IQCJ: variants seen among roughly 807,000 people sequenced by gnomAD.
IQCJ encodes the protein IQ domain-containing protein J.
Under a neutral mutation model 11.0 loss-of-function variants are expected in IQCJ, and 9 were observed. That is an observed-to-expected ratio of 0.82 (90% CI 0.49 to 1.43). The LOEUF (loss-of-function observed/expected upper bound fraction) is 1.43. Among genes scored for constraint, IQCJ ranks in the 40% most tolerant of loss-of-function variants. The pLI is 0.00. For missense variants in IQCJ, 146 were observed against 133.2 expected (o/e 1.10, Z -0.47); for synonymous variants, 55 against 51.3 (o/e 1.07, Z -0.31).
At chr3:159,231,180 G>A (rs2244434) in intron 1 of IQCJ, among the ~76,000 whole-genome samples, 115,282 of 152,080 alleles carry the variant, frequency 0.76, 44,842 homozygotes, top group African/African-American at 0.92. Context: ...GGAGAACCAG[G>A]CATCTTATAT....
intron 1 of IQCJ, among the ~76,000 whole-genome samples, chr3:159,234,675 A>T (rs1325468368): frequency 2.0e-5 from 3 of 152,166 alleles, no homozygotes; most frequent in African/African-American, 7.2e-5. Flanking sequence ...GTACTTAAAG[A>T]AAAGCAATTA....
chr3:159,157,447 G>C (rs970486503), intron 1 of IQCJ, among the ~76,000 whole-genome samples: 2 of 152,044 alleles, frequency 1.3e-5, no homozygotes, highest in Non-Finnish European at 1.5e-5. Flanking sequence ...CAATGTTTCT[G>C]GTCAGTGGAA....
At chr3:159,169,850 G>C (rs1017216330) in intron 1 of IQCJ, among the ~76,000 whole-genome samples, 4 of 152,030 alleles carry the variant, frequency 2.6e-5, no homozygotes, top group Non-Finnish European at 1.5e-5. Context: ...TGTAGTTCCT[G>C]GGTGGTTTAT....
chr3:159,151,826 G>A (rs895281733), intron 1 of IQCJ, among the ~76,000 whole-genome samples: 18 of 152,110 alleles, frequency 1.2e-4, no homozygotes, highest in Non-Finnish European at 2.4e-4. Flanking sequence ...TAGTAGAGAC[G>A]GGGTTTCACT....
chr3:159,074,577 G>C (rs113798193), intron 1 of IQCJ, among the ~76,000 whole-genome samples: 2 of 152,110 alleles, frequency 1.3e-5, no homozygotes, highest in Non-Finnish European at 2.9e-5. Context: ...CTCAGGCACT[G>C]CTCGTTCAAC....
At chr3:159,212,903 T>G (rs573009716) in intron 1 of IQCJ, among the ~76,000 whole-genome samples, 41 of 152,376 alleles carry the variant, frequency 2.7e-4, no homozygotes, top group African/African-American at 9.6e-4. Flanking sequence ...GGAGCAACTT[T>G]TGTTGTCACC....
At position 159,262,422 on chromosome 3, in the gene IQCJ, G is replaced by GT. The variant is rs943688811; in HGVS notation, c.156-125dup. 3 of 1,407,006 alleles carry GT rather than the reference G, an allele frequency of 2.1e-6. No individual in the cohort carries two copies. The African/African-American group carries it at 4.3e-5, about 20-fold the overall frequency. 87.2% of individuals were successfully genotyped at this position (1,407,006 alleles called of 1,614,324 possible). A position where few individuals can be genotyped will look rare whatever the true frequency, so the allele number is the denominator to read the frequency against. ...CTCCTGATTCACTACATCACATTCT[G>GT]TATGTTCTACTTCCCTTGGCACCAA... is the stretch of plus-strand genomic sequence containing the variant. On this transcript the variant is annotated intron_variant, in intron 3 of 3. Coordinates refer to ENST00000397832, the MANE Select transcript of IQCJ (RefSeq NM_001042706.3).
chr3:159,089,941 A>G (rs1717117318), intron 1 of IQCJ, among the ~76,000 whole-genome samples: 1 of 151,812 alleles, frequency 6.6e-6, no homozygotes, highest in South Asian at 2.1e-4. Context: ...TTCTCCATCC[A>G]GCTTTGTTCT....
intron 1 of IQCJ, among the ~76,000 whole-genome samples, chr3:159,080,867 C>T (rs1201095611): frequency 6.6e-6 from 1 of 152,074 alleles, no homozygotes; most frequent in Non-Finnish European, 1.5e-5. Context: ...TGTCTCTCCT[C>T]TAGAATAGTG....
At chr3:159,157,214 G>T (rs1185016633) in intron 1 of IQCJ, among the ~76,000 whole-genome samples, 1 of 152,194 alleles carries the variant, frequency 6.6e-6, no homozygotes, top group African/African-American at 2.4e-5. Context: ...AGCTGGCTCA[G>T]GCTTTGGCAT....
At chr3:159,117,742 A>C (rs1719114189) in intron 1 of IQCJ, among the ~76,000 whole-genome samples, 1 of 152,174 alleles carries the variant, frequency 6.6e-6, no homozygotes, top group African/African-American at 2.4e-5. Flanking sequence ...AGGCCTGGAG[A>C]CACAGTGCTG....
At chr3:159,208,761 G>A (rs1347856214) in intron 1 of IQCJ, among the ~76,000 whole-genome samples, 2 of 152,182 alleles carry the variant, frequency 1.3e-5, no homozygotes, top group Non-Finnish European at 2.9e-5. Context: ...TTTGGAAAAA[G>A]AATCTTTGCA....
intron 1 of IQCJ, among the ~76,000 whole-genome samples, chr3:159,153,580 C>T (rs1383062790): frequency 1.3e-5 from 2 of 152,162 alleles, no homozygotes; most frequent in Non-Finnish European, 2.9e-5. Flanking sequence ...GTTGTATTTA[C>T]TTTTGGAATT....
intron 3 of IQCJ, among the ~76,000 whole-genome samples, chr3:159,259,875 A>G (rs1347922209): frequency 6.6e-6 from 1 of 152,206 alleles, no homozygotes; most frequent in Non-Finnish European, 1.5e-5. Context: ...AATGAGAAAT[A>G]TATATATCAT....
At chr3:159,126,803 C>T (rs1382108446) in intron 1 of IQCJ, among the ~76,000 whole-genome samples, 2 of 152,136 alleles carry the variant, frequency 1.3e-5, no homozygotes, top group African/African-American at 2.4e-5. Flanking sequence ...GGACTTTGGT[C>T]ATCAGCTGTT....
At chr3:159,191,210 C>T (rs1394952543) in intron 1 of IQCJ, among the ~76,000 whole-genome samples, 1 of 152,178 alleles carries the variant, frequency 6.6e-6, no homozygotes, top group Non-Finnish European at 1.5e-5. Context: ...CAGTTCCTGG[C>T]TAGACGGAGG....
chr3:159,192,572 G>A (rs908814668), intron 1 of IQCJ, among the ~76,000 whole-genome samples: 1 of 152,198 alleles, frequency 6.6e-6, no homozygotes, highest in Admixed American at 6.5e-5. Context: ...ATTTGGAGTT[G>A]AGACAAAAGG....
chr3:159,103,760 A>G (rs551436714), intron 1 of IQCJ, among the ~76,000 whole-genome samples: 1 of 152,124 alleles, frequency 6.6e-6, no homozygotes, highest in Non-Finnish European at 1.5e-5. Flanking sequence ...CAGAAGCAGC[A>G]CTCTCCTCTT....
chr3:159,107,828 A>G (rs890830374), intron 1 of IQCJ, among the ~76,000 whole-genome samples: 4 of 152,132 alleles, frequency 2.6e-5, no homozygotes, highest in East Asian at 3.9e-4. Flanking sequence ...CTTTCTAACC[A>G]ACAAGATTGT....
Sources: allele counts gnomAD v4.1 joint callset (sites outside exome capture counted in the v4.1 genomes callset), GRCh38; gene constraint gnomAD v4.1.1; transcripts MANE v1.5; gene names NCBI Gene and HGNC (gene_info 2026-07-23, HGNC 2026-07-21).